NCOR2: variants seen among roughly 807,000 people sequenced by gnomAD.
The protein encoded by NCOR2 is nuclear receptor corepressor 2.
Under a neutral mutation model 262.9 loss-of-function variants are expected in NCOR2, and 81 were observed. The observed-to-expected ratio is 0.31, with a 90% CI of 0.26 to 0.37. NCOR2 has a LOEUF of 0.37. Among genes scored for constraint, NCOR2 ranks in the 10% least tolerant of loss-of-function variants. The pLI is 1.00. For missense variants in NCOR2, 3,385 were observed against 3,621.4 expected, an observed-to-expected ratio of 0.93 and a Z score of 1.68; for synonymous variants, 1,659 against 1,559.3, an observed-to-expected ratio of 1.06 and a Z score of -1.51.
intron 22 of NCOR2, among the ~76,000 whole-genome samples, chr12:124,361,863 C>T (rs1238162923): frequency 6.6e-6 from 1 of 152,250 alleles, no homozygotes; most frequent in Non-Finnish European, 1.5e-5. Context: ...GCTGGAAGAA[C>T]CACCCCAGGC....
chr12:124,543,813 A>C (rs1006380316), intron 1 of NCOR2, among the ~76,000 whole-genome samples: 2 of 152,202 alleles, frequency 1.3e-5, no homozygotes, highest in Non-Finnish European at 2.9e-5. Flanking sequence ...ACGCGGCAGC[A>C]CGGAAAGGCC....
At position 124,354,459 on chromosome 12, in the gene NCOR2, A is replaced by T. The variant is rs1365299787; in HGVS notation, c.3589+19T>A. 1.4e-5 allele frequency: 21 copies of T among 1,491,680 alleles called. No homozygotes were observed. The East Asian group carries it at 4.2e-4, about 30-fold the overall frequency. 92.4% of individuals were successfully genotyped at this position (1,491,680 alleles called of 1,614,324 possible). On this transcript the variant is annotated intron_variant, in intron 26 of 46. Transcript: ENST00000405201. ...GAACAGGGGCAGATGCTGGGGGCCC[A>T]GGGCAGAAGGGCCCTCACCTCTCAG...
intron 40 of NCOR2, 85 bp downstream of exon 42, chr12:124,335,050 G>A: frequency 2.5e-6 from 4 of 1,598,140 alleles, no homozygotes; most frequent in Non-Finnish European, 3.4e-6. Flanking sequence ...CAGGACAGAA[G>A]GGCTGTGGGG....
At chr12:124,383,491 A>T in intron 17 of NCOR2, 1 of 936,872 alleles carries the variant, frequency 1.1e-6, no homozygotes, top group Non-Finnish European at 1.4e-6. Flanking sequence ...CCCAGTGCTC[A>T]TACCTCCCAC....
At chr12:124,325,381 C>CCCCCA in exon 47 of NCOR2, 1 of 380,678 alleles carries the variant, frequency 2.6e-6, no homozygotes, top group Non-Finnish European at 4.1e-6. Context: ...GACACCGCCC[C>CCCCCA]CCCCCCCGCC....
intron 1 of NCOR2, among the ~76,000 whole-genome samples, chr12:124,545,911 C>T (rs60619238): frequency 0.026 from 3,896 of 152,292 alleles, 173 homozygotes; most frequent in African/African-American, 0.089. Context: ...ACTGGCCCCA[C>T]CTCAGAGTCT....
In NCOR2 at chr12:124,348,626, C is replaced by T. The variant is rs79204289; in HGVS notation, c.3845-312G>A. On this transcript the variant is annotated intron_variant, in intron 28 of 46. Transcript: ENST00000405201. Reference sequence around the variant, plus strand: ...GGGTGTGCCTGTGACCACATGAGCACGTGAGTCTGTGTCCACACCCACGGG... The same window carrying T: ...GGGTGTGCCTGTGACCACATGAGCATGTGAGTCTGTGTCCACACCCACGGG... The T allele has an allele frequency of 7.0e-3, 2,981 of 424,686 alleles. 74 individuals are homozygous for T. The highest frequency in any genetic ancestry group is 0.054 in the African/African-American group (2,641 of 49,012). The allele number at this position is 424,686 out of a possible 1,614,324, so 26.3% of individuals were successfully genotyped here. A position where few individuals can be genotyped will look rare whatever the true frequency, so the allele number is the denominator to read the frequency against.
exon 31 of NCOR2, chr12:124,346,814 T>C (rs1281806775): frequency 6.3e-7 from 1 of 1,578,676 alleles, no homozygotes; most frequent in Non-Finnish European, 8.6e-7. Context: ...CCGACGCAGG[T>C]AGTCCTCCTG....
chr12:124,375,003 G>A (rs2039875610), intron 18 of NCOR2, among the ~76,000 whole-genome samples: 1 of 152,216 alleles, frequency 6.6e-6, no homozygotes, highest in Admixed American at 6.5e-5. Context: ...AGCAACGCTG[G>A]CTGCATACAG....
intron 8 of NCOR2, among the ~76,000 whole-genome samples, chr12:124,434,275 C>A (rs2044202722): frequency 6.6e-6 from 1 of 152,094 alleles, no homozygotes; most frequent in Non-Finnish European, 1.5e-5. Flanking sequence ...TCGGCCAAGC[C>A]CCCCTCCCCA....
At chr12:124,356,541 G>A (rs763429098) in intron 23 of NCOR2, 101 bp downstream of exon 25, 1 of 1,077,672 alleles carries the variant, frequency 9.3e-7, no homozygotes, top group African/African-American at 1.6e-5. Context: ...GTCCCATAAG[G>A]CTTTAAGATG....
rs1294410538 is a variant in NCOR2 at position 124,389,238 on chromosome 12, C to G, written c.1877-3351G>C. ...CCGGGCCGGGCAAAATCCAAGGACCCAGGCCCAGCAGGGCAGCCGTGTCCC... is the reference window on the plus strand; with the variant it reads ...CCGGGCCGGGCAAAATCCAAGGACCGAGGCCCAGCAGGGCAGCCGTGTCCC... On this transcript the variant is annotated intron_variant, in intron 16 of 46. Coordinates refer to ENST00000405201, the Ensembl canonical transcript of NCOR2. The surrounding 1 kb of genome is among the most constrained non-coding windows in gnomAD (Gnocchi z 4.4). Among the ~76,000 whole-genome samples the G allele has an allele frequency of 6.6e-6, 1 of 152,240 alleles. No individual in the cohort carries two copies. Among genetic ancestry groups the G allele is most frequent in the African/African-American group, 2.4e-5 (1 of 41,456 alleles).
intron 17 of NCOR2, among the ~76,000 whole-genome samples, chr12:124,381,890 C>G (rs552993508): frequency 9.2e-5 from 14 of 152,250 alleles, no homozygotes; most frequent in Non-Finnish European, 1.9e-4. Flanking sequence ...GTAGAAGACA[C>G]TGATGCCAAG....
chr12:124,342,401 G>A (rs58918660), intron 33 of NCOR2, among the ~76,000 whole-genome samples: 4 of 151,686 alleles, frequency 2.6e-5, no homozygotes, highest in Admixed American at 2.0e-4. Context: ...AAGGAGTCTC[G>A]CTCTGTCGCC....
upstream of NCOR2, among the ~76,000 whole-genome samples, chr12:124,537,007 G>A (rs900915384): frequency 6.6e-6 from 1 of 152,230 alleles, no homozygotes; most frequent in Non-Finnish European, 1.5e-5. Context: ...AGGAATCTGA[G>A]ACTCAGGCTG....
At chr12:124,388,766 T>C (rs1593327693) in intron 16 of NCOR2, 5 of 1,303,618 alleles carry the variant, frequency 3.8e-6, no homozygotes, top group Non-Finnish European at 5.1e-6. Context: ...CGGGCCGAAG[T>C]GGGCCGGCAG....
intron 27 of NCOR2, 46 bp downstream of exon 29, chr12:124,354,047 C>T (rs1436441048): frequency 1.9e-6 from 3 of 1,545,378 alleles, no homozygotes; most frequent in Non-Finnish European, 2.6e-6. Flanking sequence ...GGGCTGGCCC[C>T]GTGCTGGTCC....
At chr12:124,552,933 C>T (rs754422960) in intron 1 of NCOR2, among the ~76,000 whole-genome samples, 24 of 152,230 alleles carry the variant, frequency 1.6e-4, no homozygotes, top group Non-Finnish European at 2.9e-4. Flanking sequence ...GATCCTCCCA[C>T]CTCAGCCTCA....
At chr12:124,458,881 G>A (rs961145848) in intron 5 of NCOR2, among the ~76,000 whole-genome samples, 4 of 152,114 alleles carry the variant, frequency 2.6e-5, no homozygotes, top group African/African-American at 9.7e-5. Flanking sequence ...AGTCTGCCCT[G>A]GGGTACTGAA....
Sources: allele counts gnomAD v4.1 joint callset (sites outside exome capture counted in the v4.1 genomes callset), GRCh38; gene constraint gnomAD v4.1.1; non-coding constraint Gnocchi (gnomAD v3.1); transcripts MANE v1.5; gene names NCBI Gene and HGNC (gene_info 2026-07-23, HGNC 2026-07-21).